YEATS2: variants seen among roughly 807,000 people sequenced by gnomAD.
YEATS2 encodes YEATS domain-containing protein 2.
In YEATS2, 77 loss-of-function variants were observed where a neutral mutation model predicts 163.2. That is an observed-to-expected ratio of 0.47 (90% confidence interval 0.39 to 0.57). YEATS2 has a LOEUF of 0.57. Among genes scored for constraint, YEATS2 ranks in the 20% least tolerant of loss-of-function variants. The probability of loss-of-function intolerance (pLI) is 0.00; values close to 1 mark genes in which losing one functional copy is unlikely to be tolerated. For synonymous variants in YEATS2, 631 were observed against 645.1 expected (o/e 0.98, Z 0.33); for missense variants, 1,549 against 1,729.8 (o/e 0.90, Z 1.85).
chr3:183,771,895 T>G lies in YEATS2; in HGVS notation c.1948-410T>G, dbSNP rs552529463. ...GTGTGTGCCACCATGCCCAGCTAAT[T>G]TTTGTATTTTTAGTAGAGATTGGAT... is the stretch of plus-strand genomic sequence containing the variant. On this transcript the variant is annotated intron_variant, in intron 15 of 30. Coordinates refer to ENST00000305135, the MANE Select transcript of YEATS2 (RefSeq NM_018023.5). 7.2e-5 allele frequency among the ~76,000 whole-genome samples: 11 copies of G among 151,738 alleles called. No homozygotes were observed. In the South Asian group the frequency reaches 2.3e-3, roughly 32 times the overall value.
At chr3:183,702,670 C>A (rs993274556) in intron 1 of YEATS2, among the ~76,000 whole-genome samples, 1 of 151,842 alleles carries the variant, frequency 6.6e-6, no homozygotes, top group African/African-American at 2.4e-5. Flanking sequence ...AACCCCGTCT[C>A]TACTAAAAAT....
rs368083521 is a variant in YEATS2, at chr3:183,758,826, A to G, written c.1553-36A>G. 4.4e-5 allele frequency: 60 copies of G among 1,366,254 alleles called. No homozygotes were observed. The African/African-American group carries it at 8.2e-4, about 19-fold the overall frequency. 84.6% of individuals were successfully genotyped at this position (1,366,254 alleles called of 1,614,324 possible). A position where few individuals can be genotyped will look rare whatever the true frequency, so the allele number is the denominator to read the frequency against. On this transcript the variant is annotated intron_variant, in intron 12 of 30. Transcript: ENST00000305135. The stretch of plus-strand genomic sequence containing the variant: ...TTTAAAATTACCTTTTGTAAATTTT[A>G]CTTTGTTTATGTTTTAATTGTGCCT...
chr3:183,709,770 C>T (rs945899934), intron 1 of YEATS2, among the ~76,000 whole-genome samples: 8 of 151,198 alleles, frequency 5.3e-5, no homozygotes, highest in African/African-American at 7.3e-5. Flanking sequence ...CTCCACCTTC[C>T]GGGTTCACGC....
In YEATS2 at chr3:183,745,980, C is replaced by T. The variant is rs1015626775; in HGVS notation, c.925-1692C>T. 9.2e-5 allele frequency among the ~76,000 whole-genome samples: 14 copies of T among 152,266 alleles called. 1 individual carries two copies. Among genetic ancestry groups the T allele is most frequent in the Non-Finnish European group, 1.2e-4 (8 of 68,010 alleles). On this transcript the variant is annotated intron_variant, in intron 8 of 30. Coordinates refer to ENST00000305135, the MANE Select transcript of YEATS2 (RefSeq NM_018023.5). ...CTGAGTAGTTGGGACCACAGGCGTG[C>T]GCCACCATGCCTGGCTAATTGTTTA...
At chr3:183,746,582 C>T (rs77212446) in intron 8 of YEATS2, among the ~76,000 whole-genome samples, 4,041 of 151,998 alleles carry the variant, frequency 0.027, 84 homozygotes, top group Non-Finnish European at 0.042. Flanking sequence ...ATGAAAGATA[C>T]ACCCGTGCGG....
chr3:183,774,762 T>C lies in YEATS2; in HGVS notation c.2368+968T>C, dbSNP rs555629006. The stretch of plus-strand genomic sequence containing the variant: ...TGGAAGTTAACCGCCCTTGCCAAAA[T>C]GCAGTGTGTCAGCTCATCATCCTTG... On this transcript the variant is annotated intron_variant, in intron 17 of 30. Coordinates refer to ENST00000305135, the MANE Select transcript of YEATS2 (RefSeq NM_018023.5). Among the ~76,000 whole-genome samples the C allele has an allele frequency of 8.5e-5, 13 of 152,332 alleles. No homozygotes were observed. In the South Asian group the frequency reaches 2.1e-3, roughly 24 times the overall value.
rs1722462151 is a variant in YEATS2 at position 183,771,542 on chromosome 3, C to CTTTTTTTTTTTTTTT, written c.1948-763_1948-762insTTTTTTTTTTTTTTT. On this transcript the variant is annotated intron_variant, in intron 15 of 30. Coordinates refer to ENST00000305135, the MANE Select transcript of YEATS2 (RefSeq NM_018023.5). Reference sequence around the variant, plus strand: ...TTTTAATAGTTAAATATTATTCTTGCCTTTTTTTTTTTTTTTTTTTTTTCT... The same window carrying CTTTTTTTTTTTTTTT: ...TTTTAATAGTTAAATATTATTCTTGCTTTTTTTTTTTTTTTCTTTTTTTTTTTTTTTTTTTTTTCT... 3.0e-4 allele frequency among the ~76,000 whole-genome samples: 18 copies of CTTTTTTTTTTTTTTT among 60,810 alleles called. 3 individuals carry two copies. Among genetic ancestry groups the CTTTTTTTTTTTTTTT allele is most frequent in the Admixed American group, 5.4e-4 (2 of 3,730 alleles). 39.9% of individuals were successfully genotyped at this position (60,810 alleles called of 152,430 possible). A position where few individuals can be genotyped will look rare whatever the true frequency, so the allele number is the denominator to read the frequency against.
intron 13 of YEATS2, among the ~76,000 whole-genome samples, chr3:183,760,396 A>G (rs1338443522): frequency 7.2e-6 from 1 of 138,598 alleles, no homozygotes; most frequent in Non-Finnish European, 1.5e-5. Context: ...ATCTTGGCTC[A>G]CTGCAACCTC....
intron 7 of YEATS2, among the ~76,000 whole-genome samples, chr3:183,729,662 G>A (rs1213678012): frequency 7.6e-6 from 1 of 131,152 alleles, no homozygotes; most frequent in Non-Finnish European, 1.6e-5. Flanking sequence ...GTACCATTTA[G>A]GTGTGTTCTT....
At chr3:183,767,196 C>G (rs2109387637) in intron 15 of YEATS2, among the ~76,000 whole-genome samples, 1 of 152,246 alleles carries the variant, frequency 6.6e-6, no homozygotes, top group African/African-American at 2.4e-5. Flanking sequence ...CTGGTAAAGA[C>G]TGCCCTCCAG....
chr3:183,808,788 G>A (rs1301222126), intron 29 of YEATS2: 9 of 209,502 alleles, frequency 4.3e-5, no homozygotes, highest in Middle Eastern at 1.8e-3. Context: ...CCCGGGAGGC[G>A]GAGGTTGCAC....
chr3:183,776,311 A>C (rs1209052542), intron 18 of YEATS2, among the ~76,000 whole-genome samples, 188 bp downstream of exon 18: 3 of 152,112 alleles, frequency 2.0e-5, no homozygotes, highest in Admixed American at 2.0e-4. Context: ...TGGGAGGCCA[A>C]GGTGGGTGGA....
intron 24 of YEATS2, chr3:183,800,867 A>T (rs775647496): frequency 3.5e-6 from 1 of 288,632 alleles, no homozygotes; most frequent in African/African-American, 2.2e-5. Context: ...GTAGGCACAA[A>T]ATTTCTCCTG....
rs1405548884 is a variant in YEATS2, at chr3:183,697,840, G to T, written c.-173G>T. On this transcript the variant is annotated 5_prime_UTR_variant, in exon 1 of 31. Coordinates refer to ENST00000305135, the MANE Select transcript of YEATS2 (RefSeq NM_018023.5). ...CGTGCGGGGCGGAACGCGCCGGGCG[G>T]GCTCCACCGCGCCGTGTGCTTCCGC... The T allele has an allele frequency of 1.3e-5, 2 of 150,582 alleles. No individual in the cohort carries two copies. Among genetic ancestry groups the T allele is most frequent in the Non-Finnish European group, 3.0e-5 (2 of 67,552 alleles). 9.3% of individuals were successfully genotyped at this position (150,582 alleles called of 1,614,324 possible). A position where few individuals can be genotyped will look rare whatever the true frequency, so the allele number is the denominator to read the frequency against.
At chr3:183,798,392 C>T (rs1432355512) in intron 22 of YEATS2, among the ~76,000 whole-genome samples, 1 of 152,210 alleles carries the variant, frequency 6.6e-6, no homozygotes, top group African/African-American at 2.4e-5. Context: ...TTTGCTCTGT[C>T]ACCAGAGCTG....
chr3:183,776,844 T>C (rs1723048359), intron 18 of YEATS2, among the ~76,000 whole-genome samples: 1 of 151,060 alleles, frequency 6.6e-6, no homozygotes, highest in African/African-American at 2.4e-5. Context: ...CCCAGCTACT[T>C]GGAAGGCTGA....
At position 183,781,925 on chromosome 3, in the gene YEATS2, T is replaced by G. The variant is rs944680553; in HGVS notation, c.2737-4200T>G. Among the ~76,000 whole-genome samples the G allele has an allele frequency of 1.2e-3, 183 of 152,032 alleles. 2 individuals carry two copies. The highest frequency in any genetic ancestry group is 4.1e-3 in the African/African-American group (171 of 41,466). Reference sequence around the variant, plus strand: ...CTTAAAAAAAAAAAAATTTTTTTTTTCTATCACCATTTTTCTGTTTCTTTC... The same window carrying G: ...CTTAAAAAAAAAAAAATTTTTTTTTGCTATCACCATTTTTCTGTTTCTTTC... On this transcript the variant is annotated intron_variant, in intron 19 of 30. Coordinates refer to ENST00000305135, the MANE Select transcript of YEATS2 (RefSeq NM_018023.5).
rs765029757 is a variant in YEATS2 at position 183,754,268 on chromosome 3, A to G, written c.1293A>G (p.Ala431=). 7 of 1,614,198 alleles carry G rather than the reference A, an allele frequency of 4.3e-6. No individual in the cohort carries two copies. In the Admixed American group the frequency reaches 1.0e-4, roughly 23 times the overall value. ...GCAATTCAGCTTTCCAGCCAATAGC[A>G]TCAAGCTGCAAAATTGTTCCACAAA... ...SHGNSAFQPI[A]SSCKIVPQSQ... Residue 431 remains alanine (A), a synonymous_variant, in exon 11 of 31, where the codon GCA becomes GCG. Transcript: ENST00000305135.
intron 19 of YEATS2, among the ~76,000 whole-genome samples, chr3:183,778,923 C>T (rs371068095): frequency 9.2e-5 from 14 of 151,912 alleles, no homozygotes; most frequent in African/African-American, 2.9e-4. Flanking sequence ...TTACTAGATA[C>T]GGGACTGTTC....
Sources: gnomAD v4.1 joint callset for allele counts (sites outside exome capture counted in the v4.1 genomes callset) on GRCh38, gnomAD v4.1.1 for gene constraint, MANE v1.5 for transcripts, NCBI Gene and HGNC (gene_info 2026-07-23, HGNC 2026-07-21) for gene names.